The following PDS5B variants were observed in gnomAD, a reference collection of about 807,000 sequenced individuals.
PDS5B encodes the protein PDS5 cohesin associated factor B, also known as sister chromatid cohesion protein PDS5 homolog B.
PDS5B carries 51 observed loss-of-function variants against 184.1 expected under a neutral mutation model. The ratio of observed to expected loss-of-function variants is 0.28; its 90% CI spans 0.22 to 0.35. The LOEUF is 0.35. Among genes scored for constraint, PDS5B ranks in the 10% least tolerant of loss-of-function variants. PDS5B has a pLI of 1.00. For synonymous variants in PDS5B, 566 were observed against 569.2 expected (o/e 0.99, Z 0.08); for missense variants, 1,180 against 1,723.3 (o/e 0.68, Z 5.58).
intron 1 of PDS5B, among the ~76,000 whole-genome samples, chr13:32,590,376 T>A (rs1425404626): frequency 6.6e-6 from 1 of 152,212 alleles, no homozygotes; most frequent in Non-Finnish European, 1.5e-5. Flanking sequence ...GAAGACACCC[T>A]GTCCTATAGA....
rs1462192454 is a variant in PDS5B, at chr13:32,656,072, T to C, written c.313-2167T>C. Among the ~76,000 whole-genome samples, 2 of 152,206 alleles carry C rather than the reference T, an allele frequency of 1.3e-5. 1 individual carries two copies. Among genetic ancestry groups the C allele is most frequent in the Admixed American group, 1.3e-4 (2 of 15,274 alleles). ...TAGCTAGTTATCCCAGCACCATTTATTGAATAGGGAGTCCTTTCCTCATTG... is the reference window on the plus strand; with the variant it reads ...TAGCTAGTTATCCCAGCACCATTTACTGAATAGGGAGTCCTTTCCTCATTG... On this transcript the variant is annotated intron_variant, in intron 3 of 34. Coordinates refer to ENST00000315596, the MANE Select transcript of PDS5B (RefSeq NM_015032.4).
chr13:32,637,923 T>C (rs941016922), intron 1 of PDS5B, among the ~76,000 whole-genome samples: 1 of 152,208 alleles, frequency 6.6e-6, no homozygotes, highest in African/African-American at 2.4e-5. Flanking sequence ...TGAAAACAAC[T>C]GTTCCCAATT....
intron 1 of PDS5B, among the ~76,000 whole-genome samples, chr13:32,613,549 G>C (rs886668411): frequency 6.6e-6 from 1 of 152,068 alleles, no homozygotes; most frequent in South Asian, 2.1e-4. Flanking sequence ...CTGGAAAACT[G>C]TCTATTCATA....
At position 32,707,044 on chromosome 13, in the gene PDS5B, G is replaced by A. The variant is rs1401233773; in HGVS notation, c.1962+5G>A. On this transcript the variant is annotated splice_donor_5th_base_variant and intron_variant, in intron 18 of 34. Coordinates refer to ENST00000315596, the MANE Select transcript of PDS5B (RefSeq NM_015032.4). ...GCAGGTCTTGAACTGCTTAAGGTAA[G>A]TATCTATTTAAAATTAAGTGCCTAA... is the stretch of plus-strand genomic sequence containing the variant. 3.3e-6 allele frequency: 5 copies of A among 1,515,630 alleles called. No homozygotes were observed. In the Admixed American group the frequency reaches 7.6e-5, roughly 23 times the overall value. 93.9% of individuals were successfully genotyped at this position (1,515,630 alleles called of 1,614,324 possible). A position where few individuals can be genotyped will look rare whatever the true frequency, so the allele number is the denominator to read the frequency against.
intron 19 of PDS5B, among the ~76,000 whole-genome samples, chr13:32,712,777 C>G (rs1456630760): frequency 6.6e-6 from 1 of 152,176 alleles, no homozygotes; most frequent in Non-Finnish European, 1.5e-5. Context: ...AAAGGAGAGG[C>G]TTTGTGGTCA....
rs138776896 is a variant in PDS5B, at chr13:32,641,671, C to G, written c.-19-7083C>G. Among the ~76,000 whole-genome samples the G allele has an allele frequency of 4.0e-4, 61 of 152,268 alleles. No homozygotes were observed. In the East Asian group the frequency reaches 0.01, roughly 25 times the overall value. ...TCTTTATCTCCCCTGTGGGCTCCCA[C>G]CACCCCAATCACTATAGGTATTTCA... On this transcript the variant is annotated intron_variant, in intron 1 of 34. Transcript: ENST00000315596.
chr13:32,757,571 A>C (rs1954228703), intron 26 of PDS5B, among the ~76,000 whole-genome samples: 3 of 152,054 alleles, frequency 2.0e-5, no homozygotes, highest in African/African-American at 7.3e-5. Flanking sequence ...CTTTCTTTTA[A>C]TTTTTCCCTT....
At chr13:32,647,278 T>C (rs1032809650) in intron 1 of PDS5B, among the ~76,000 whole-genome samples, 2 of 152,154 alleles carry the variant, frequency 1.3e-5, no homozygotes, top group South Asian at 4.1e-4. Context: ...TAATTTCTTA[T>C]GACCTTTCTT....
At chr13:32,592,536 C>T (rs531284060) in intron 1 of PDS5B, among the ~76,000 whole-genome samples, 5 of 140,668 alleles carry the variant, frequency 3.6e-5, no homozygotes, top group South Asian at 4.4e-4. Flanking sequence ...GAATTACAGG[C>T]GTGAGCCACT....
intron 1 of PDS5B, among the ~76,000 whole-genome samples, chr13:32,607,448 G>A (rs1566242420): frequency 1.3e-5 from 2 of 152,350 alleles, no homozygotes; most frequent in African/African-American, 2.4e-5. Flanking sequence ...GCACCTGGCT[G>A]TATGAGGTGT....
intron 1 of PDS5B, among the ~76,000 whole-genome samples, chr13:32,611,802 C>A (rs993217868): frequency 1.6e-4 from 25 of 152,122 alleles, no homozygotes; most frequent in African/African-American, 6.0e-4. Context: ...AGCCACGGTG[C>A]CTGGTTCTCA....
intron 1 of PDS5B, among the ~76,000 whole-genome samples, chr13:32,587,364 A>C (rs2057704489): frequency 6.6e-6 from 1 of 152,140 alleles, no homozygotes; most frequent in African/African-American, 2.4e-5. Context: ...CCCAGGCCAC[A>C]ACTGGGTTCT....
intron 1 of PDS5B, among the ~76,000 whole-genome samples, chr13:32,589,965 A>G (rs1362557120): frequency 2.0e-5 from 3 of 152,156 alleles, no homozygotes; most frequent in Non-Finnish European, 4.4e-5. Flanking sequence ...TTAAGAATAA[A>G]TTTGCTGTGT....
In PDS5B at chr13:32,702,364, A is replaced by G. The variant is rs186714513; in HGVS notation, c.1856+926A>G. ...AGCAAGACAAGAAGTAGAAGCCTCT[A>G]TATTTGTAAGAGGAAGACTCTGAAT... On this transcript the variant is annotated intron_variant, in intron 17 of 34. Transcript: ENST00000315596. 1.8e-4 allele frequency among the ~76,000 whole-genome samples: 27 copies of G among 152,316 alleles called. 1 individual carries two copies. In the East Asian group the frequency reaches 5.0e-3, roughly 28 times the overall value.
intron 1 of PDS5B, among the ~76,000 whole-genome samples, chr13:32,615,687 G>A (rs1245549954): frequency 6.6e-6 from 1 of 152,112 alleles, no homozygotes; most frequent in Non-Finnish European, 1.5e-5. Flanking sequence ...TTAAATTCCA[G>A]CTGTATCAAA....
chr13:32,599,899 A>T (rs893270192), intron 1 of PDS5B, among the ~76,000 whole-genome samples: 1 of 152,108 alleles, frequency 6.6e-6, no homozygotes, highest in Non-Finnish European at 1.5e-5. Context: ...TGGGTGACAG[A>T]ATGAGACTCT....
At chr13:32,688,304 A>G (rs982963618) in intron 12 of PDS5B, 152 bp from the exon 13 acceptor site, 1 of 530,574 alleles carries the variant, frequency 1.9e-6, no homozygotes, top group Non-Finnish European at 3.3e-6. Flanking sequence ...CCTTCTATCT[A>G]CAGATAGAAG....
rs934790805 is a variant in PDS5B, at chr13:32,624,813, T to C, written c.-19-23941T>C. Among the ~76,000 whole-genome samples, 7 of 152,256 alleles carry C rather than the reference T, an allele frequency of 4.6e-5. No individual in the cohort carries two copies. The East Asian group carries it at 1.4e-3, about 29-fold the overall frequency. The stretch of plus-strand genomic sequence containing the variant: ...GGAACTTTCTAGAGTCCAAGCTCAA[T>C]TGGCAAAAGGGCAAATGCTAATATG... On this transcript the variant is annotated intron_variant, in intron 1 of 34. Transcript: ENST00000315596.
chr13:32,615,350 A>G (rs548035430), intron 1 of PDS5B, among the ~76,000 whole-genome samples: 52 of 152,286 alleles, frequency 3.4e-4, no homozygotes, highest in Middle Eastern at 6.8e-3. Flanking sequence ...TTTTTCATCA[A>G]TTGCAAAATT....
Sources: allele counts gnomAD v4.1 joint callset (sites outside exome capture counted in the v4.1 genomes callset), GRCh38; gene constraint gnomAD v4.1.1; transcripts MANE v1.5; gene names NCBI Gene and HGNC (gene_info 2026-07-23, HGNC 2026-07-21).